MAP4K4: variants seen among roughly 807,000 people sequenced by gnomAD.
MAP4K4 encodes the protein mitogen-activated protein kinase kinase kinase kinase 4, also known as HPK/GCK-like kinase HGK.
In MAP4K4, 38 loss-of-function variants were observed where a neutral mutation model predicts 189.6. That is an observed-to-expected ratio of 0.20 (90% CI 0.15 to 0.26). The LOEUF (loss-of-function observed/expected upper bound fraction) is 0.26, where lower values mean the gene tolerates loss of function less well. Among genes scored for constraint, MAP4K4 ranks in the 10% least tolerant of loss-of-function variants. The pLI, the probability that MAP4K4 is intolerant of heterozygous loss-of-function variation, is 1.00. For missense variants in MAP4K4, 1,054 were observed against 1,726.9 expected (o/e 0.61, Z 6.91); for synonymous variants, 610 against 624.3 (o/e 0.98, Z 0.34).
chr2:101,697,824 C>T (rs1156414522), exon 1 of MAP4K4: 5 of 145,184 alleles, frequency 3.4e-5, no homozygotes, highest in Admixed American at 3.4e-4. Flanking sequence ...GCCTGACGGC[C>T]GGCCCCGCGC....
intron 2 of MAP4K4, among the ~76,000 whole-genome samples, chr2:101,741,108 C>G (rs2062554054): frequency 6.6e-6 from 1 of 151,170 alleles, no homozygotes; most frequent in Admixed American, 6.6e-5. Flanking sequence ...GTATTATAAA[C>G]TTTGAAATTT....
At chr2:101,726,814 A>T (rs2055650657) in intron 2 of MAP4K4, among the ~76,000 whole-genome samples, 1 of 152,218 alleles carries the variant, frequency 6.6e-6, no homozygotes, top group African/African-American at 2.4e-5. Flanking sequence ...TGTTGCTCAT[A>T]ATAGAATACC....
intron 3 of MAP4K4, among the ~76,000 whole-genome samples, chr2:101,803,665 T>C (rs909401512): frequency 1.3e-5 from 2 of 152,208 alleles, no homozygotes; most frequent in Non-Finnish European, 2.9e-5. Context: ...CTGGAATTGC[T>C]TGTTTTATTA....
chr2:101,749,206 A>G lies in MAP4K4; in HGVS notation c.124-41514A>G, dbSNP rs780441898. 5.8e-3 allele frequency among the ~76,000 whole-genome samples: 887 copies of G among 152,056 alleles called. 5 individuals carry two copies. Among genetic ancestry groups the G allele is most frequent in the Non-Finnish European group, 8.9e-3 (602 of 67,820 alleles). On this transcript the variant is annotated intron_variant, in intron 2 of 32. Transcript: ENST00000324219. ...AAAAAGAGCCTGCATTGCCAAGTCA[A>G]TCCTAAGCCAAAAGAACAAAGCTGG... is the stretch of plus-strand genomic sequence containing the variant.
intron 2 of MAP4K4, among the ~76,000 whole-genome samples, chr2:101,766,611 A>ATT (rs11393348): frequency 5.4e-4 from 79 of 145,310 alleles, no homozygotes; most frequent in African/African-American, 1.6e-3. Context: ...TTTTGTCTTG[A>ATT]TTTTTTTTTT....
intron 9 of MAP4K4, among the ~76,000 whole-genome samples, chr2:101,839,002 A>C (rs544461904): frequency 2.0e-5 from 3 of 152,210 alleles, no homozygotes; most frequent in African/African-American, 7.2e-5. Flanking sequence ...AACAAAAAGC[A>C]TGCAGTCTGT....
chr2:101,698,033 C>T, exon 1 of MAP4K4: 1 of 1,260,164 alleles, frequency 7.9e-7, no homozygotes, highest in Non-Finnish European at 1.0e-6. Context: ...ATACACAGAG[C>T]GACAGAGACA....
intron 30 of MAP4K4, 160 bp downstream of exon 30, chr2:101,887,397 CT>C: frequency 1.4e-6 from 1 of 694,990 alleles, no homozygotes; most frequent in Non-Finnish European, 2.3e-6. Context: ...GCTCCATGCT[CT>C]TAGACAAGTG....
intron 1 of MAP4K4, 112 bp from the exon 2 acceptor site, chr2:101,698,361 G>A: frequency 1.9e-6 from 2 of 1,061,648 alleles, no homozygotes; most frequent in East Asian, 2.5e-5. Flanking sequence ...GGGACCGCGC[G>A]GGGCGAAGCC....
intron 2 of MAP4K4, among the ~76,000 whole-genome samples, chr2:101,787,684 T>C (rs759106320): frequency 6.6e-6 from 1 of 152,196 alleles, no homozygotes; most frequent in Non-Finnish European, 1.5e-5. Context: ...ACAAGTACAT[T>C]GAGTCCCGGC....
chr2:101,719,199 C>T (rs552873899), intron 2 of MAP4K4, among the ~76,000 whole-genome samples: 3 of 152,274 alleles, frequency 2.0e-5, no homozygotes, highest in African/African-American at 7.2e-5. Flanking sequence ...CTTCATCTGT[C>T]TGGGTTGGGT....
intron 3 of MAP4K4, among the ~76,000 whole-genome samples, chr2:101,793,478 G>A: frequency 6.6e-6 from 1 of 151,988 alleles, no homozygotes; most frequent in East Asian, 1.9e-4. Context: ...GGCTGAATGA[G>A]AGAGATTTTG....
intron 12 of MAP4K4, among the ~76,000 whole-genome samples, chr2:101,851,780 T>C (rs892632097): frequency 6.7e-6 from 1 of 148,536 alleles, no homozygotes; most frequent in African/African-American, 2.5e-5. Context: ...TTCTTAACTA[T>C]TTGGTCCCAC....
chr2:101,777,340 A>G (rs952826449), intron 2 of MAP4K4, among the ~76,000 whole-genome samples: 4 of 152,214 alleles, frequency 2.6e-5, no homozygotes, highest in Non-Finnish European at 5.9e-5. Context: ...TGCTTTGGGC[A>G]CTGTGTCTGC....
chr2:101,747,359 T>G (rs1400983514), intron 2 of MAP4K4, among the ~76,000 whole-genome samples: 1 of 152,106 alleles, frequency 6.6e-6, no homozygotes, highest in Non-Finnish European at 1.5e-5. Flanking sequence ...CCTCAGGTGG[T>G]AGGCCCGCCT....
intron 2 of MAP4K4, among the ~76,000 whole-genome samples, chr2:101,721,830 G>A (rs1219437161): frequency 6.6e-6 from 1 of 152,182 alleles, no homozygotes; most frequent in Non-Finnish European, 1.5e-5. Flanking sequence ...AAGCAAGGGT[G>A]TGTTTTCTTC....
intron 2 of MAP4K4, among the ~76,000 whole-genome samples, chr2:101,737,622 G>C (rs2149706110): frequency 6.6e-6 from 1 of 151,526 alleles, no homozygotes; most frequent in Admixed American, 6.6e-5. Context: ...TAACCATGCT[G>C]ATGAATGCAC....
chr2:101,697,929 C>CCCA (rs1553477214), exon 1 of MAP4K4: 1 of 195,660 alleles, frequency 5.1e-6, no homozygotes, highest in Non-Finnish European at 1.0e-5. Context: ...CGCAGCCGAG[C>CCCA]CCGCCGCCGC....
At chr2:101,771,650 A>G (rs1175130256) in intron 2 of MAP4K4, among the ~76,000 whole-genome samples, 1 of 152,186 alleles carries the variant, frequency 6.6e-6, no homozygotes, top group Non-Finnish European at 1.5e-5. Context: ...TCTTAAGTGC[A>G]CGGAGGCCGC....
Sources: gnomAD v4.1 joint callset for allele counts (sites outside exome capture counted in the v4.1 genomes callset) on GRCh38, gnomAD v4.1.1 for gene constraint, MANE v1.5 for transcripts, NCBI Gene and HGNC (gene_info 2026-07-23, HGNC 2026-07-21) for gene names.